MACROD2: variants seen among roughly 807,000 people sequenced by gnomAD.
MACROD2 encodes ADP-ribose glycohydrolase MACROD2.
In MACROD2, 36 loss-of-function variants were observed where a neutral mutation model predicts 70.4. That is an observed-to-expected ratio of 0.51 (90% CI 0.39 to 0.68). MACROD2 has a LOEUF of 0.68. MACROD2 is among the 30% of genes least tolerant of loss of function. MACROD2 has a pLI of 0.00. For synonymous variants in MACROD2, 172 were observed against 178.8 expected, an observed-to-expected ratio of 0.96 and a Z score of 0.30; for missense variants, 496 against 538.4, an observed-to-expected ratio of 0.92 and a Z score of 0.78.
intron 3 of MACROD2, among the ~76,000 whole-genome samples, chr20:14,210,138 A>G (rs2081558783): frequency 6.6e-6 from 1 of 152,218 alleles, no homozygotes; most frequent in Non-Finnish European, 1.5e-5. Flanking sequence ...ATCGCTAAAC[A>G]CATTTTTCAT....
At position 15,013,146 on chromosome 20, in the gene MACROD2, C is replaced by T. The variant is rs757416863; in HGVS notation, c.419-216794C>T. 3.3e-5 allele frequency among the ~76,000 whole-genome samples: 5 copies of T among 152,208 alleles called. No homozygotes were observed. In the South Asian group the frequency reaches 1.0e-3, roughly 32 times the overall value. On this transcript the variant is annotated intron_variant, in intron 5 of 17. Transcript: ENST00000684519. ...TTCTCCTCGAGTATTTCTCCCAGGC[C>T]TGGCCAGTGAGAGCATTGCATTCCC... is the stretch of plus-strand genomic sequence containing the variant.
chr20:15,858,495 A>T (rs1398421019), intron 8 of MACROD2, among the ~76,000 whole-genome samples: 1 of 152,158 alleles, frequency 6.6e-6, no homozygotes, highest in Non-Finnish European at 1.5e-5. Flanking sequence ...TTTCAGTAGG[A>T]GTCAAGTACT....
At chr20:15,070,671 C>T (rs2075612197) in intron 5 of MACROD2, among the ~76,000 whole-genome samples, 3 of 152,084 alleles carry the variant, frequency 2.0e-5, no homozygotes, top group Admixed American at 1.3e-4. Context: ...ACTGGCTCCC[C>T]CTTTGCCTTC....
At chr20:14,428,219 G>T (rs1332176700) in intron 3 of MACROD2, among the ~76,000 whole-genome samples, 1 of 152,044 alleles carries the variant, frequency 6.6e-6, no homozygotes, top group Non-Finnish European at 1.5e-5. Context: ...GATCCTTTTA[G>T]ACCAGACCAC....
At chr20:15,183,514 A>AG (rs201638370) in intron 5 of MACROD2, among the ~76,000 whole-genome samples, 1,554 of 152,104 alleles carry the variant, frequency 0.01, 13 homozygotes, top group Middle Eastern at 0.061. Context: ...AAAAAAAAAA[A>AG]TAGATCTTAT....
chr20:15,974,258 T>G (rs1049207823), intron 13 of MACROD2, among the ~76,000 whole-genome samples: 3 of 151,538 alleles, frequency 2.0e-5, no homozygotes, highest in Admixed American at 2.0e-4. Flanking sequence ...CAACATAAAT[T>G]CCAGAAGGAG....
intron 6 of MACROD2, among the ~76,000 whole-genome samples, chr20:15,299,599 G>T (rs1301731112): frequency 6.6e-6 from 1 of 152,180 alleles, no homozygotes; most frequent in East Asian, 1.9e-4. Flanking sequence ...GTTTAAAGTT[G>T]TCTGGACAAA....
chr20:14,954,592 TATA>T (rs1490611104), intron 5 of MACROD2, among the ~76,000 whole-genome samples: 1 of 134,112 alleles, frequency 7.5e-6, no homozygotes, highest in Non-Finnish European at 1.6e-5. Flanking sequence ...ATAAATTATA[TATA>T]ATAATTATAT....
At chr20:15,337,322 A>G (rs754803595) in intron 6 of MACROD2, among the ~76,000 whole-genome samples, 1 of 151,656 alleles carries the variant, frequency 6.6e-6, no homozygotes, top group South Asian at 2.1e-4. Flanking sequence ...CAGAGAGTCT[A>G]GGGCAAAAGG....
intron 9 of MACROD2, among the ~76,000 whole-genome samples, chr20:15,885,324 G>A (rs926793632): frequency 1.3e-5 from 2 of 152,090 alleles, no homozygotes; most frequent in African/African-American, 4.8e-5. Context: ...GGTGTGGTGC[G>A]GGGATTTGAC....
intron 8 of MACROD2, among the ~76,000 whole-genome samples, chr20:15,677,264 C>T (rs75705069): frequency 0.013 from 1,910 of 152,196 alleles, 12 homozygotes; most frequent in Middle Eastern, 0.024. Flanking sequence ...TTTGGGCTCT[C>T]TTTCCTACTG....
chr20:15,095,222 G>A (rs568588629), intron 5 of MACROD2, among the ~76,000 whole-genome samples: 17 of 148,762 alleles, frequency 1.1e-4, no homozygotes, highest in Non-Finnish European at 1.6e-4. Context: ...GATTACAGGC[G>A]CCCGCCACCA....
chr20:14,031,080 C>T (rs1482935049), intron 2 of MACROD2, among the ~76,000 whole-genome samples: 2 of 152,190 alleles, frequency 1.3e-5, no homozygotes, highest in Non-Finnish European at 2.9e-5. Context: ...TTGCTAACAG[C>T]TCTAGCCTGG....
At chr20:15,832,800 A>G (rs1368354765) in intron 8 of MACROD2, among the ~76,000 whole-genome samples, 1 of 152,196 alleles carries the variant, frequency 6.6e-6, no homozygotes, top group Non-Finnish European at 1.5e-5. Context: ...ATGTTCAACA[A>G]GTTGTCCAGA....
At chr20:14,781,433 C>T (rs894371470) in intron 5 of MACROD2, among the ~76,000 whole-genome samples, 11 of 149,610 alleles carry the variant, frequency 7.4e-5, no homozygotes, top group Admixed American at 3.4e-4. Flanking sequence ...TGTTTACTCT[C>T]ATGTCTGAAT....
At chr20:15,121,900 T>G (rs2076033657) in intron 5 of MACROD2, among the ~76,000 whole-genome samples, 1 of 152,176 alleles carries the variant, frequency 6.6e-6, no homozygotes, top group Non-Finnish European at 1.5e-5. Context: ...TCAGGTTAAA[T>G]GCTGTCATTG....
intron 3 of MACROD2, among the ~76,000 whole-genome samples, chr20:14,356,062 G>A (rs1372866284): frequency 6.6e-6 from 1 of 152,150 alleles, no homozygotes; most frequent in Non-Finnish European, 1.5e-5. Context: ...TAGTGTCATG[G>A]TTAAGGGTGC....
At chr20:14,623,573 A>G (rs749609773) in intron 4 of MACROD2, among the ~76,000 whole-genome samples, 1 of 152,214 alleles carries the variant, frequency 6.6e-6, no homozygotes, top group Non-Finnish European at 1.5e-5. Flanking sequence ...GAACTAATCA[A>G]AAGGCTCAGA....
At chr20:16,001,530 A>AT (rs2066709206) in intron 15 of MACROD2, among the ~76,000 whole-genome samples, 1 of 152,174 alleles carries the variant, frequency 6.6e-6, no homozygotes, top group Non-Finnish European at 1.5e-5. Context: ...TTGAATTTAC[A>AT]TTTTTTACAT....
Sources: gnomAD v4.1 joint callset for allele counts (sites outside exome capture counted in the v4.1 genomes callset) on GRCh38, gnomAD v4.1.1 for gene constraint, MANE v1.5 for transcripts, NCBI Gene and HGNC (gene_info 2026-07-23, HGNC 2026-07-21) for gene names.